The following ENOX1 variants were observed in gnomAD, a reference collection of about 807,000 sequenced individuals.
ENOX1 encodes the protein candidate growth-related and time keeping constitutive hydroquinone (NADH) oxidase.
A neutral mutation model predicts 82.5 loss-of-function variants in ENOX1; 42 were observed. The observed-to-expected ratio is 0.51, with a 90% CI of 0.40 to 0.66. The LOEUF is 0.66. ENOX1 is among the 30% of genes least tolerant of loss of function. The probability of loss-of-function intolerance (pLI) is 0.00; values close to 1 mark genes in which losing one functional copy is unlikely to be tolerated. For synonymous variants in ENOX1, 271 were observed against 282.2 expected (o/e 0.96, Z 0.40); for missense variants, 608 against 811.6 (o/e 0.75, Z 3.05).
At chr13:43,623,547 GAGGAT>G (rs1252849964) in intron 2 of ENOX1, among the ~76,000 whole-genome samples, 1 of 152,184 alleles carries the variant, frequency 6.6e-6, no homozygotes, top group African/African-American at 2.4e-5. Flanking sequence ...GTGTTCGGGA[GAGGAT>G]GGTCTCACTT....
At chr13:43,403,138 C>T (rs1370487139) in intron 5 of ENOX1, among the ~76,000 whole-genome samples, 2 of 151,888 alleles carry the variant, frequency 1.3e-5, no homozygotes, top group African/African-American at 4.8e-5. Context: ...ATGTGGCCAC[C>T]ATAGTTCTAA....
At chr13:43,783,438 G>A (rs1344583372) in intron 1 of ENOX1, among the ~76,000 whole-genome samples, 1 of 152,130 alleles carries the variant, frequency 6.6e-6, no homozygotes, top group African/African-American at 2.4e-5. Context: ...ATCAAGGAGA[G>A]AAATGAGGGG....
At chr13:43,584,426 G>GTA (rs1366634143) in intron 2 of ENOX1, among the ~76,000 whole-genome samples, 8 of 152,206 alleles carry the variant, frequency 5.3e-5, no homozygotes, top group Non-Finnish European at 7.3e-5. Context: ...CAAAATGCAT[G>GTA]TATAATTTGT....
At position 43,709,532 on chromosome 13, in the gene ENOX1, A is replaced by C. The variant is rs2087544135; in HGVS notation, c.-284-41988T>G. On this transcript the variant is annotated intron_variant, in intron 1 of 16. Transcript: ENST00000690772. ...CAAGTAACAAATTGAAACACAAAAA[A>C]GGGAAACAATGATGAGGGCAGGGAT... Among the ~76,000 whole-genome samples the C allele has an allele frequency of 7.9e-5, 12 of 151,916 alleles. 1 individual carries two copies.
chr13:43,657,892 C>A (rs994590296), intron 2 of ENOX1, among the ~76,000 whole-genome samples: 3 of 152,130 alleles, frequency 2.0e-5, no homozygotes, highest in Non-Finnish European at 2.9e-5. Context: ...AATTTGAAAT[C>A]TGTTGGAATT....
chr13:43,461,487 G>A (rs1924625), intron 3 of ENOX1, among the ~76,000 whole-genome samples: 24,874 of 152,084 alleles, frequency 0.16, 2,167 homozygotes, highest in East Asian at 0.32. Flanking sequence ...ATTAGGCACC[G>A]TGGGGTATAA....
At chr13:43,302,684 A>G (rs1044777655) in intron 11 of ENOX1, among the ~76,000 whole-genome samples, 1 of 152,226 alleles carries the variant, frequency 6.6e-6, no homozygotes, top group South Asian at 2.1e-4. Flanking sequence ...TAGATTCTAT[A>G]TAAACCATTA....
intron 12 of ENOX1, among the ~76,000 whole-genome samples, chr13:43,287,098 C>T (rs943886216): frequency 1.3e-5 from 2 of 152,132 alleles, no homozygotes; most frequent in African/African-American, 2.4e-5. Context: ...GGGTCAGTCA[C>T]CTGACACCTC....
intron 1 of ENOX1, among the ~76,000 whole-genome samples, chr13:43,721,740 C>T (rs2088598554): frequency 6.6e-6 from 1 of 152,094 alleles, no homozygotes; most frequent in Non-Finnish European, 1.5e-5. Flanking sequence ...CCCACATTTT[C>T]ATTTTGCACT....
At chr13:43,328,109 A>G (rs1316848318) in intron 9 of ENOX1, among the ~76,000 whole-genome samples, 1 of 152,172 alleles carries the variant, frequency 6.6e-6, no homozygotes, top group Non-Finnish European at 1.5e-5. Flanking sequence ...CTCAACTGGA[A>G]GAACTAAACT....
intron 2 of ENOX1, among the ~76,000 whole-genome samples, chr13:43,643,687 A>G (rs2083767096): frequency 6.6e-6 from 1 of 151,784 alleles, no homozygotes; most frequent in Non-Finnish European, 1.5e-5. Context: ...ACATATAAAT[A>G]TCCATATATA....
intron 13 of ENOX1, among the ~76,000 whole-genome samples, chr13:43,266,766 T>G (rs1479992454): frequency 6.6e-6 from 1 of 152,158 alleles, no homozygotes; most frequent in Non-Finnish European, 1.5e-5. Flanking sequence ...TGAGGGTTTC[T>G]TATTGTAGGT....
chr13:43,345,472 C>T (rs771394677), intron 8 of ENOX1, among the ~76,000 whole-genome samples: 1 of 150,222 alleles, frequency 6.7e-6, no homozygotes, highest in East Asian at 2.1e-4. Flanking sequence ...CATGGTGTGG[C>T]GGGGGGATAG....
intron 3 of ENOX1, among the ~76,000 whole-genome samples, chr13:43,419,370 T>C (rs1461793768): frequency 6.6e-6 from 1 of 151,938 alleles, no homozygotes; most frequent in African/African-American, 2.4e-5. Flanking sequence ...CATAGGGCGA[T>C]TTCATCTCTA....
Position 43,248,281 on chromosome 13 carries a change from G to C in ENOX1, c.1612-11543C>G, listed in dbSNP as rs531914035. On this transcript the variant is annotated intron_variant, in intron 14 of 16. Transcript: ENST00000690772. Reference sequence around the variant, plus strand: ...TACATAGACAGGCCAGACCTCATGGGTGAAAATGACTGGCCATCATAAGGG... The same window carrying C: ...TACATAGACAGGCCAGACCTCATGGCTGAAAATGACTGGCCATCATAAGGG... Among the ~76,000 whole-genome samples, 3 of 152,096 alleles carry C rather than the reference G, an allele frequency of 2.0e-5. No homozygotes were observed. In the East Asian group the frequency reaches 5.8e-4, roughly 29 times the overall value.
chr13:43,404,275 A>G (rs2053660208), intron 5 of ENOX1, among the ~76,000 whole-genome samples: 1 of 152,170 alleles, frequency 6.6e-6, no homozygotes, highest in African/African-American at 2.4e-5. Flanking sequence ...AGCCTATCCT[A>G]CCAGACTTGA....
intron 2 of ENOX1, among the ~76,000 whole-genome samples, chr13:43,536,625 A>G (rs1333166776): frequency 6.6e-6 from 1 of 152,200 alleles, no homozygotes; most frequent in African/African-American, 2.4e-5. Context: ...CCAAACCAGA[A>G]TGATAAAGGA....
intron 2 of ENOX1, among the ~76,000 whole-genome samples, chr13:43,649,296 C>T (rs1225764957): frequency 2.6e-5 from 4 of 152,194 alleles, no homozygotes; most frequent in Non-Finnish European, 5.9e-5. Flanking sequence ...TAATCTGTCT[C>T]AACCCAGAGT....
chr13:43,751,004 A>G (rs1950280736), intron 1 of ENOX1, among the ~76,000 whole-genome samples: 1 of 152,084 alleles, frequency 6.6e-6, no homozygotes, highest in South Asian at 2.1e-4. Context: ...TAAAATCCTA[A>G]CACTTTGGGA....
Sources: allele counts gnomAD v4.1 joint callset (sites outside exome capture counted in the v4.1 genomes callset), GRCh38; gene constraint gnomAD v4.1.1; transcripts MANE v1.5; gene names NCBI Gene and HGNC (gene_info 2026-07-23, HGNC 2026-07-21).